KLRG1: variants seen among roughly 807,000 people sequenced by gnomAD.
KLRG1 encodes the protein killer cell lectin like receptor G1.
Under a neutral mutation model 21.8 loss-of-function variants are expected in KLRG1, and 16 were observed. The ratio of observed to expected loss-of-function variants is 0.73; its 90% CI spans 0.50 to 1.11. The LOEUF is 1.11. KLRG1 is among the 50% of genes most tolerant of loss of function. KLRG1 has a pLI of 0.00. For missense variants in KLRG1, 173 were observed against 218.3 expected (o/e 0.79, Z 1.31); for synonymous variants, 69 against 75.9 (o/e 0.91, Z 0.47).
At chr12:8,964,021 G>A (rs1946423292) in intron 1 of KLRG1, among the ~76,000 whole-genome samples, 1 of 152,128 alleles carries the variant, frequency 6.6e-6, no homozygotes, top group African/African-American at 2.4e-5. Context: ...AGGGTTTTTT[G>A]TGTCTCTATC....
At chr12:9,072,626 C>T in the KLRG1 span, 10 of 1,610,532 alleles carry the variant, frequency 6.2e-6, no homozygotes, top group Admixed American at 3.3e-5. Flanking sequence ...CTCATCTGTC[C>T]TGTCCTCACC....
chr12:9,200,540 A>G, the KLRG1 span: 2 of 987,786 alleles, frequency 2.0e-6, no homozygotes, highest in Non-Finnish European at 3.1e-6. Flanking sequence ...TTCCCAAAAT[A>G]ACACTCTGAA....
the KLRG1 span, among the ~76,000 whole-genome samples, chr12:9,050,481 G>A: frequency 2.6e-5 from 4 of 152,192 alleles, no homozygotes; most frequent in African/African-American, 9.6e-5. Context: ...AGGTGCTGCT[G>A]CAGCCCTGCA....
chr12:8,989,486 A>G, upstream of KLRG1: 1 of 591,916 alleles, frequency 1.7e-6, no homozygotes, highest in Non-Finnish European at 3.0e-6. Context: ...GCAGCCCCCA[A>G]ATTTGAATCA....
the KLRG1 span, chr12:9,152,383 A>C: frequency 9.2e-7 from 1 of 1,082,948 alleles, no homozygotes; most frequent in African/African-American, 1.6e-5. Flanking sequence ...TTCAAGCATC[A>C]CTTTAAGCCT....
At chr12:9,094,482 C>T in the KLRG1 span, among the ~76,000 whole-genome samples, 11 of 144,612 alleles carry the variant, frequency 7.6e-5, no homozygotes, top group South Asian at 1.9e-3. Flanking sequence ...TCCATAGAGC[C>T]AACTGATTCT....
rs1053232996 is a variant in KLRG1 at position 9,010,196 on chromosome 12, A to T, written c.*659A>T. 1.8e-6 allele frequency: 1 copy of T among 541,780 alleles called. No individual in the cohort carries two copies. The highest frequency in any genetic ancestry group is 4.9e-4 in the Middle Eastern group (1 of 2,056). The allele number at this position is 541,780 out of a possible 1,614,324, so 33.6% of individuals were successfully genotyped here. A position where few individuals can be genotyped will look rare whatever the true frequency, so the allele number is the denominator to read the frequency against. On this transcript the variant is annotated 3_prime_UTR_variant, in exon 5 of 5. Transcript: ENST00000356986. The stretch of plus-strand genomic sequence containing the variant: ...GCAAGACTCCATCTCTAAAAAAAAA[A>T]AAAAATGCTAATGTGAGAATATAAA...
upstream of KLRG1, among the ~76,000 whole-genome samples, chr12:8,986,992 A>G (rs1946852536): frequency 6.6e-6 from 1 of 152,206 alleles, no homozygotes; most frequent in African/African-American, 2.4e-5. Context: ...GCCTGCCCAG[A>G]AGCAGATGCC....
At chr12:8,976,903 C>T (rs764700890) in intron 1 of KLRG1, among the ~76,000 whole-genome samples, 73 of 151,908 alleles carry the variant, frequency 4.8e-4, no homozygotes, top group Admixed American at 4.7e-3. Context: ...TGTACTACCA[C>T]GCCTGGCTAA....
At chr12:9,181,530 T>C in the KLRG1 span, among the ~76,000 whole-genome samples, 1 of 152,168 alleles carries the variant, frequency 6.6e-6, no homozygotes, top group Non-Finnish European at 1.5e-5. Context: ...ATTACATAAG[T>C]GGGGAATCTT....
the KLRG1 span, among the ~76,000 whole-genome samples, chr12:9,092,162 G>A: frequency 6.6e-6 from 1 of 152,140 alleles, no homozygotes; most frequent in African/African-American, 2.4e-5. Context: ...CTGAAAAGCA[G>A]TAAGGGCACT....
At chr12:9,022,822 G>T in the KLRG1 span, among the ~76,000 whole-genome samples, 1 of 152,152 alleles carries the variant, frequency 6.6e-6, no homozygotes, top group Non-Finnish European at 1.5e-5. Context: ...AATCAATTAT[G>T]CCTATGTAAT....
At chr12:9,196,920 AGCT>A in the KLRG1 span, 3 of 1,061,544 alleles carry the variant, frequency 2.8e-6, no homozygotes, top group Non-Finnish European at 4.2e-6. Flanking sequence ...TTTTGCGACA[AGCT>A]TGTCCTGATG....
At chr12:9,063,384 G>A in the KLRG1 span, among the ~76,000 whole-genome samples, 1 of 152,124 alleles carries the variant, frequency 6.6e-6, no homozygotes. Context: ...GAAAATGCAA[G>A]AGAATAGCAG....
chr12:9,161,693 A>G, the KLRG1 span, among the ~76,000 whole-genome samples: 1 of 152,214 alleles, frequency 6.6e-6, no homozygotes, highest in African/African-American at 2.4e-5. Flanking sequence ...ACATGAATAT[A>G]CCTTAAATTA....
chr12:9,046,372 C>T, the KLRG1 span, among the ~76,000 whole-genome samples: 1 of 152,116 alleles, frequency 6.6e-6, no homozygotes, highest in African/African-American at 2.4e-5. Flanking sequence ...TCCAAAATTA[C>T]CAACAGACAC....
At chr12:9,106,690 T>TG in the KLRG1 span, 3 of 644,892 alleles carry the variant, frequency 4.7e-6, no homozygotes, top group East Asian at 2.8e-5. Context: ...GTGATTTTTG[T>TG]GGGGGGACAA....
chr12:8,979,368 A>G (rs7974486), intron 1 of KLRG1, among the ~76,000 whole-genome samples: 121,624 of 152,106 alleles, frequency 0.8, 49,021 homozygotes, highest in Admixed American at 0.84. Flanking sequence ...TTCTTGGTTT[A>G]GCTGTTTTCT....
At chr12:9,166,306 T>A in the KLRG1 span, 1 of 1,108,586 alleles carries the variant, frequency 9.0e-7, no homozygotes, top group Non-Finnish European at 1.3e-6. Flanking sequence ...CTGCTCAGAC[T>A]GTCCTAAAAG....
Sources: gnomAD v4.1 joint callset for allele counts (sites outside exome capture counted in the v4.1 genomes callset) on GRCh38, gnomAD v4.1.1 for gene constraint, MANE v1.5 for transcripts, NCBI Gene and HGNC (gene_info 2026-07-23, HGNC 2026-07-21) for gene names.